HIRA: variants seen among roughly 807,000 people sequenced by gnomAD.
HIRA encodes the protein histone cell cycle regulator.
HIRA carries 13 observed loss-of-function variants against 126.6 expected under a neutral mutation model. The ratio of observed to expected loss-of-function variants is 0.10; its 90% CI spans 0.07 to 0.16. The LOEUF (loss-of-function observed/expected upper bound fraction) is 0.16, where lower values mean the gene tolerates loss of function less well. Ranked by LOEUF, HIRA falls within the 10% of genes least tolerant of loss-of-function variation. The pLI, the probability that HIRA is intolerant of heterozygous loss-of-function variation, is 1.00. For synonymous variants in HIRA, 511 were observed against 520.0 expected, an observed-to-expected ratio of 0.98 and a Z score of 0.24; for missense variants, 834 against 1,314.4, an observed-to-expected ratio of 0.63 and a Z score of 5.65.
In HIRA at chr22:19,388,566, GAC is replaced by G. The variant is rs746356528; in HGVS notation, c.937-14_937-13del. ...TTCAGACATGTGAGCTGGAAGGAAA[GAC>G]ACAGTCAAGGTTAATGAAATTACTG... On this transcript the variant is annotated splice_polypyrimidine_tract_variant and intron_variant, in intron 9 of 24. Coordinates refer to ENST00000263208, the MANE Select transcript of HIRA (RefSeq NM_003325.4). The G allele has an allele frequency of 8.1e-6, 13 of 1,607,954 alleles. No homozygotes were observed. The highest frequency in any genetic ancestry group is 5.5e-5 in the South Asian group (5 of 90,952).
intron 6 of HIRA, 97 bp from the exon 7 acceptor site, chr22:19,397,044 G>T: frequency 1.7e-6 from 2 of 1,164,772 alleles, no homozygotes; most frequent in Non-Finnish European, 2.5e-6. Flanking sequence ...AGGGGACTCA[G>T]CAGTCTGCCA....
intron 24 of HIRA, among the ~76,000 whole-genome samples, chr22:19,340,772 A>G (rs1556007338): frequency 1.3e-5 from 2 of 152,212 alleles, no homozygotes; most frequent in Non-Finnish European, 2.9e-5. Flanking sequence ...AATAGCTGCA[A>G]ATAAAATAAA....
chr22:19,348,477 A>G (rs1055973706), intron 24 of HIRA, among the ~76,000 whole-genome samples: 1 of 151,912 alleles, frequency 6.6e-6, no homozygotes, highest in African/African-American at 2.4e-5. Flanking sequence ...GAAGAATTGA[A>G]AGCATGAAAA....
In HIRA at chr22:19,431,425, C is replaced by T. The variant is rs981905451; in HGVS notation, c.37+15G>A. On this transcript the variant is annotated intron_variant, in intron 1 of 24. Coordinates refer to ENST00000263208, the MANE Select transcript of HIRA (RefSeq NM_003325.4). ...ACTCCGGGCTCGGCCTCCCGCGACC[C>T]CTGCGCGCACTCACCATTGTGGTTG... 2.4e-5 allele frequency: 39 copies of T among 1,608,334 alleles called. No individual in the cohort carries two copies. The highest frequency in any genetic ancestry group is 3.1e-5 in the Non-Finnish European group (37 of 1,178,594).
In HIRA at chr22:19,398,044, G is replaced by A. The variant is rs540040334; in HGVS notation, c.441C>T (p.Ala147=). The part of the protein sequence containing the change: ...VAWSPHDAWL[A]SCSVDNTVVI... ...CGACAGTGTTATCCACGCTGCATGA[G>A]GCTAGCCAGGCATCGTGGGGAGACC... Residue 147 remains alanine, a synonymous_variant, in exon 6 of 25, where the codon GCC becomes GCT. Transcript: ENST00000263208. The A allele has an allele frequency of 1.2e-5, 20 of 1,614,072 alleles. No homozygotes were observed. In the South Asian group the frequency reaches 2.0e-4, roughly 16 times the overall value.
At chr22:19,340,187 T>C (rs2088611224) in intron 24 of HIRA, among the ~76,000 whole-genome samples, 1 of 152,176 alleles carries the variant, frequency 6.6e-6, no homozygotes, top group South Asian at 2.1e-4. Context: ...TCAAGTGGGT[T>C]TCATACCAGG....
chr22:19,376,887 G>C (rs2089024125), intron 14 of HIRA, among the ~76,000 whole-genome samples: 1 of 152,198 alleles, frequency 6.6e-6, no homozygotes, highest in Non-Finnish European at 1.5e-5. Flanking sequence ...TCAGCTGTAT[G>C]TGCCAGGGAG....
At chr22:19,386,179 T>C (rs974549051) in intron 11 of HIRA, among the ~76,000 whole-genome samples, 1 of 152,164 alleles carries the variant, frequency 6.6e-6, no homozygotes, top group Non-Finnish European at 1.5e-5. Flanking sequence ...AGCCCTGTGG[T>C]TGGAAGTCCC....
chr22:19,430,798 GT>G (rs2089528878), intron 1 of HIRA, among the ~76,000 whole-genome samples: 1 of 152,208 alleles, frequency 6.6e-6, no homozygotes, highest in South Asian at 2.1e-4. Context: ...CCCCAAGGGT[GT>G]GCTTTGGAGC....
At chr22:19,397,367 T>C (rs2089232647) in intron 6 of HIRA, among the ~76,000 whole-genome samples, 1 of 152,214 alleles carries the variant, frequency 6.6e-6, no homozygotes, top group Non-Finnish European at 1.5e-5. Flanking sequence ...GTACCCCATA[T>C]AGATCTGTAA....
chr22:19,412,745 C>G (rs537692600), intron 1 of HIRA, among the ~76,000 whole-genome samples: 1 of 152,208 alleles, frequency 6.6e-6, no homozygotes, highest in Non-Finnish European at 1.5e-5. Context: ...CTCAGCTGCA[C>G]AAGTAACCAA....
chr22:19,401,263 T>C (rs775122628), intron 5 of HIRA, among the ~76,000 whole-genome samples: 1 of 152,152 alleles, frequency 6.6e-6, no homozygotes, highest in Non-Finnish European at 1.5e-5. Context: ...ACGCTGCCTG[T>C]TCCCCTCTCC....
At chr22:19,382,836 C>T (rs1264820317) in intron 13 of HIRA, among the ~76,000 whole-genome samples, 1 of 147,012 alleles carries the variant, frequency 6.8e-6, no homozygotes, top group Non-Finnish European at 1.5e-5. Flanking sequence ...CAAAAACAAT[C>T]TTCACTATAT....
intron 15 of HIRA, among the ~76,000 whole-genome samples, chr22:19,371,475 T>A (rs2088964463): frequency 6.6e-6 from 1 of 152,220 alleles, no homozygotes; most frequent in Non-Finnish European, 1.5e-5. Context: ...TTAATTTTTA[T>A]TGAGATATAT....
rs1556004446 is a variant in HIRA at position 19,331,205 on chromosome 22, G to C, written c.*235C>G. 2 of 1,441,188 alleles carry C rather than the reference G, an allele frequency of 1.4e-6. No homozygotes were observed. The highest frequency in any genetic ancestry group is 1.8e-6 in the Non-Finnish European group (2 of 1,086,500). The allele number at this position is 1,441,188 out of a possible 1,614,324, so 89.3% of individuals were successfully genotyped here. ...GCACCTGGGCAGAGCTCCAGCCCTA[G>C]CTCCGCATCGGGGGCTTGGAGGGAG... is the stretch of plus-strand genomic sequence containing the variant. On this transcript the variant is annotated 3_prime_UTR_variant, in exon 25 of 25. Coordinates refer to ENST00000263208, the MANE Select transcript of HIRA (RefSeq NM_003325.4).
intron 1 of HIRA, among the ~76,000 whole-genome samples, chr22:19,418,956 C>T (rs1330815142): frequency 2.0e-5 from 3 of 150,646 alleles, no homozygotes; most frequent in Non-Finnish European, 4.4e-5. Flanking sequence ...ACACACAAGG[C>T]CTGTTTTTAA....
chr22:19,396,637 C>G (rs2089226588), intron 7 of HIRA, 150 bp downstream of exon 7: 3 of 689,754 alleles, frequency 4.3e-6, no homozygotes, highest in Admixed American at 4.7e-5. Flanking sequence ...AGTCCCACCC[C>G]AGAGAGCCTT....
Position 19,431,606 on chromosome 22 carries a change from G to A in HIRA, c.-130C>T. ...GGCCGCCGCCCGCCCCGCGCCCTCAGGGCCGCCGCGCCATCGCCGGCCCGC... is the reference window on the plus strand; with the variant it reads ...GGCCGCCGCCCGCCCCGCGCCCTCAAGGCCGCCGCGCCATCGCCGGCCCGC... On this transcript the variant is annotated 5_prime_UTR_variant, in exon 1 of 25. Coordinates refer to ENST00000263208, the MANE Select transcript of HIRA (RefSeq NM_003325.4). The A allele has an allele frequency of 4.6e-6, 4 of 860,812 alleles. No homozygotes were observed. The highest frequency in any genetic ancestry group is 5.6e-6 in the Non-Finnish European group (4 of 717,552). The allele number at this position is 860,812 out of a possible 1,614,324, so 53.3% of individuals were successfully genotyped here. A position where few individuals can be genotyped will look rare whatever the true frequency, so the allele number is the denominator to read the frequency against.
chr22:19,350,155 A>G (rs2088739670), intron 24 of HIRA, among the ~76,000 whole-genome samples: 1 of 151,606 alleles, frequency 6.6e-6, no homozygotes, highest in African/African-American at 2.4e-5. Context: ...TTTTTTTCCC[A>G]TGGCATCCAT....
Sources: allele counts gnomAD v4.1 joint callset (sites outside exome capture counted in the v4.1 genomes callset), GRCh38; gene constraint gnomAD v4.1.1; transcripts MANE v1.5; gene names NCBI Gene and HGNC (gene_info 2026-07-23, HGNC 2026-07-21).